HMBOX1: variants seen among roughly 807,000 people sequenced by gnomAD.
HMBOX1 encodes homeobox-containing protein 1.
A neutral mutation model predicts 54.5 loss-of-function variants in HMBOX1; 14 were observed. That is an observed-to-expected ratio of 0.26 (90% CI 0.17 to 0.40). The LOEUF (loss-of-function observed/expected upper bound fraction) is 0.40. Ranked by LOEUF, HMBOX1 falls within the 10% of genes least tolerant of loss-of-function variation. HMBOX1 has a pLI of 1.00. For synonymous variants in HMBOX1, 160 were observed against 181.0 expected (o/e 0.88, Z 0.93); for missense variants, 332 against 514.4 (o/e 0.65, Z 3.43).
At chr8:28,998,284 CTCTT>C (rs1256523801) in intron 4 of HMBOX1, among the ~76,000 whole-genome samples, 1 of 152,050 alleles carries the variant, frequency 6.6e-6, no homozygotes, top group African/African-American at 2.4e-5. Flanking sequence ...GTTGAATTAT[CTCTT>C]TCTGTTTTCA....
chr8:28,982,105 C>T (rs533456764), intron 4 of HMBOX1, among the ~76,000 whole-genome samples: 12 of 152,192 alleles, frequency 7.9e-5, no homozygotes, highest in East Asian at 3.9e-4. Context: ...TGGTGGCGGG[C>T]GCCTGTAGTC....
At chr8:29,001,332 C>G (rs565496337) in intron 4 of HMBOX1, among the ~76,000 whole-genome samples, 1 of 152,146 alleles carries the variant, frequency 6.6e-6, no homozygotes, top group Non-Finnish European at 1.5e-5. Context: ...GGTGGCTCAC[C>G]TAAGGTCAGG....
intron 1 of HMBOX1, among the ~76,000 whole-genome samples, chr8:28,957,436 T>C (rs1824670859): frequency 6.6e-6 from 1 of 152,068 alleles, no homozygotes; most frequent in African/African-American, 2.4e-5. Flanking sequence ...GGGGCAAAGG[T>C]TGAAAAAATA....
chr8:28,980,289 G>A (rs948007761), intron 4 of HMBOX1, 133 bp downstream of exon 4: 28 of 688,510 alleles, frequency 4.1e-5, no homozygotes, highest in Middle Eastern at 5.1e-4. Flanking sequence ...GTATGCCTGT[G>A]ATTTAAAACC....
chr8:28,989,366 A>G lies in HMBOX1; in HGVS notation c.586+9210A>G, dbSNP rs1412861870. Among the ~76,000 whole-genome samples, 5 of 152,064 alleles carry G rather than the reference A, an allele frequency of 3.3e-5. No homozygotes were observed. In the East Asian group the frequency reaches 7.7e-4, roughly 23 times the overall value. On this transcript the variant is annotated intron_variant, in intron 4 of 9. Coordinates refer to ENST00000287701, the MANE Select transcript of HMBOX1 (RefSeq NM_001135726.3). The stretch of plus-strand genomic sequence containing the variant: ...GTTTTATAGTTTTAGCTCTTACATT[A>G]GGTCAATGGACCATTTAAAATTAAT...
intron 4 of HMBOX1, among the ~76,000 whole-genome samples, chr8:29,003,440 T>C (rs931470152): frequency 1.3e-5 from 2 of 150,242 alleles, no homozygotes; most frequent in African/African-American, 4.9e-5. Flanking sequence ...AAGTTACTTA[T>C]TATATGTAGA....
At chr8:29,010,086 G>T in intron 5 of HMBOX1, 3 of 982,530 alleles carry the variant, frequency 3.1e-6, no homozygotes, top group Non-Finnish European at 3.6e-6. Context: ...TTCCCTAAAG[G>T]TCAGTTTCTC....
chr8:29,038,316 C>A (rs1430878515), intron 6 of HMBOX1, among the ~76,000 whole-genome samples: 1 of 152,186 alleles, frequency 6.6e-6, no homozygotes. Context: ...ATTCACTGAT[C>A]ACTCAGCCGA....
intron 6 of HMBOX1, among the ~76,000 whole-genome samples, chr8:29,037,571 T>C (rs1804107111): frequency 6.6e-6 from 1 of 152,210 alleles, no homozygotes; most frequent in East Asian, 1.9e-4. Flanking sequence ...TTTTTCTGTG[T>C]ATTATGTATA....
chr8:28,923,870 TG>T (rs773694192), intron 1 of HMBOX1, among the ~76,000 whole-genome samples: 22 of 152,206 alleles, frequency 1.4e-4, no homozygotes, highest in Non-Finnish European at 2.9e-4. Flanking sequence ...CTAATGTCCT[TG>T]GGTATCTTTT....
chr8:28,909,756 T>A (rs894484059), intron 1 of HMBOX1, among the ~76,000 whole-genome samples: 1 of 152,204 alleles, frequency 6.6e-6, no homozygotes, highest in Admixed American at 6.5e-5. Context: ...ATATAATTTA[T>A]TTGGTGTAAA....
At chr8:29,009,352 A>C (rs1833904826) in intron 5 of HMBOX1, 170 bp downstream of exon 5, 2 of 701,750 alleles carry the variant, frequency 2.9e-6, no homozygotes, top group Non-Finnish European at 1.7e-6. Context: ...GACTGTAATA[A>C]ATTTTATTTT....
intron 1 of HMBOX1, among the ~76,000 whole-genome samples, chr8:28,904,249 CTTT>C (rs753359325): frequency 6.5e-5 from 9 of 139,406 alleles, no homozygotes; most frequent in Admixed American, 1.4e-4. Context: ...TTCCAAATCT[CTTT>C]TTTTTTTTTT....
intron 1 of HMBOX1, among the ~76,000 whole-genome samples, chr8:28,926,301 A>ATG (rs1818458441): frequency 1.4e-5 from 2 of 142,224 alleles, no homozygotes; most frequent in East Asian, 4.5e-4. Context: ...ATATATATAT[A>ATG]TATACACACA....
intron 1 of HMBOX1, among the ~76,000 whole-genome samples, chr8:28,958,748 T>G (rs1824930973): frequency 6.6e-6 from 1 of 152,222 alleles, no homozygotes; most frequent in Non-Finnish European, 1.5e-5. Context: ...CTGTTTAGAA[T>G]AATATTTGCC....
intron 5 of HMBOX1, among the ~76,000 whole-genome samples, chr8:29,014,969 C>T (rs139411356): frequency 9.1e-4 from 138 of 152,270 alleles, no homozygotes; most frequent in Non-Finnish European, 1.6e-3. Flanking sequence ...CATGAGCCAC[C>T]GCGCCCGGCC....
chr8:29,001,483 G>C (rs1279226057), intron 4 of HMBOX1, among the ~76,000 whole-genome samples: 1 of 152,180 alleles, frequency 6.6e-6, no homozygotes, highest in Admixed American at 6.6e-5. Context: ...CTGGGAGGCA[G>C]AGGTTGCAGT....
chr8:28,893,353 A>G (rs1209894576), intron 1 of HMBOX1, among the ~76,000 whole-genome samples: 2 of 152,178 alleles, frequency 1.3e-5, no homozygotes, highest in Non-Finnish European at 2.9e-5. Flanking sequence ...CCAGCTTACA[A>G]TTTCATCCCG....
chr8:28,908,477 AGGTGTGGTGGC>A (rs1439969838), intron 1 of HMBOX1, among the ~76,000 whole-genome samples: 11 of 152,200 alleles, frequency 7.2e-5, no homozygotes, highest in African/African-American at 2.7e-4. Context: ...GTTATGGGCC[AGGTGTGGTGGC>A]TCACACCTGT....
Sources: gnomAD v4.1 joint callset for allele counts (sites outside exome capture counted in the v4.1 genomes callset) on GRCh38, gnomAD v4.1.1 for gene constraint, MANE v1.5 for transcripts, NCBI Gene and HGNC (gene_info 2026-07-23, HGNC 2026-07-21) for gene names.